The following C12orf54 variants were observed in gnomAD, a reference collection of about 807,000 sequenced individuals.
C12orf54 encodes the protein chromosome 12 open reading frame 54, also known as uncharacterized protein C12orf54.
In C12orf54, 24 loss-of-function variants were observed where a neutral mutation model predicts 26.4. The ratio of observed to expected loss-of-function variants is 0.91; its 90% CI spans 0.66 to 1.28. C12orf54 has a LOEUF of 1.28. C12orf54 is among the 50% of genes most tolerant of loss of function. The pLI is 0.00. For synonymous variants in C12orf54, 54 were observed against 47.0 expected, an observed-to-expected ratio of 1.15 and a Z score of -0.61; for missense variants, 154 against 150.9, an observed-to-expected ratio of 1.02 and a Z score of -0.11.
At chr12:48,444,403 C>T in the C12orf54 span, among the ~76,000 whole-genome samples, 1 of 152,180 alleles carries the variant, frequency 6.6e-6, no homozygotes, top group Non-Finnish European at 1.5e-5. Flanking sequence ...CTCTTTTCCA[C>T]TTGTCTCCAG....
chr12:48,438,307 T>C, the C12orf54 span, among the ~76,000 whole-genome samples: 1 of 152,138 alleles, frequency 6.6e-6, no homozygotes, highest in East Asian at 1.9e-4. Flanking sequence ...AGAATCAATA[T>C]CGTGAAAATG....
the C12orf54 span, among the ~76,000 whole-genome samples, chr12:48,422,685 TA>T: frequency 6.6e-6 from 1 of 152,188 alleles, no homozygotes; most frequent in Non-Finnish European, 1.5e-5. Context: ...TTGAATGATG[TA>T]AAACAATATA....
the C12orf54 span, among the ~76,000 whole-genome samples, chr12:48,422,480 G>A: frequency 6.6e-6 from 1 of 152,102 alleles, no homozygotes; most frequent in Non-Finnish European, 1.5e-5. Context: ...CTCTAGAAGA[G>A]TTTTGGAATA....
rs779397043 is a variant in C12orf54, at chr12:48,490,824, G to T, written c.181G>T (p.Ala61Ser). The stretch of plus-strand genomic sequence containing the variant: ...CATTATTTTTCAGCTGCAGGAAGAT[G>T]CTCGGATTCGAGGTAAAACAGCACC... ...KDIQKELQED[A>S]RIRGMSNCSM... The change falls in exon 6 of 9, where the codon GCT becomes TCT. Residue 61 changes from alanine (A) to serine (S), a missense_variant. Transcript: ENST00000548364. 3.1e-6 allele frequency: 5 copies of T among 1,613,520 alleles called. No individual in the cohort carries two copies. The African/African-American group carries it at 6.7e-5, about 22-fold the overall frequency.
chr12:48,482,456 A>C (rs1313722651), upstream of C12orf54: 1 of 152,242 alleles, frequency 6.6e-6, no homozygotes, highest in East Asian at 1.9e-4. Flanking sequence ...CTGAAGTCAC[A>C]AAGTATTGAA....
chr12:48,444,500 C>G, the C12orf54 span, among the ~76,000 whole-genome samples: 1 of 152,186 alleles, frequency 6.6e-6, no homozygotes, highest in African/African-American at 2.4e-5. Context: ...GAAAATCTTA[C>G]AAAGGACATT....
chr12:48,443,031 C>A, the C12orf54 span: 3 of 152,168 alleles, frequency 2.0e-5, no homozygotes, highest in African/African-American at 4.8e-5. Flanking sequence ...AGTGTTTTAA[C>A]CCTCTTCTCT....
chr12:48,454,632 G>A, the C12orf54 span, among the ~76,000 whole-genome samples: 1 of 152,056 alleles, frequency 6.6e-6, no homozygotes, highest in Non-Finnish European at 1.5e-5. Flanking sequence ...AGCCTCAGAG[G>A]AAAGTTATGC....
chr12:48,416,723 A>G, the C12orf54 span, among the ~76,000 whole-genome samples: 1 of 152,060 alleles, frequency 6.6e-6, no homozygotes, highest in Non-Finnish European at 1.5e-5. Context: ...TTAGCTGGGC[A>G]TGGTGGCGGG....
At chr12:48,479,592 G>A (rs764438022), upstream of C12orf54, among the ~76,000 whole-genome samples, 1 of 149,206 alleles carries the variant, frequency 6.7e-6, no homozygotes, top group Non-Finnish European at 1.5e-5. Context: ...ATGTCAGCTG[G>A]GTTTTGTTTT....
intron 7 of C12orf54, among the ~76,000 whole-genome samples, chr12:48,493,289 C>T (rs549616645): frequency 3.5e-4 from 53 of 152,136 alleles, no homozygotes; most frequent in African/African-American, 1.2e-3. Flanking sequence ...AATAAGGGAA[C>T]ATAGAAAGAA....
chr12:48,486,319 G>T, intron 3 of C12orf54, 111 bp downstream of exon 3: 1 of 1,148,218 alleles, frequency 8.7e-7, no homozygotes, highest in South Asian at 1.4e-5. Context: ...ACCTGACAAG[G>T]GACAGGGTGC....
At chr12:48,450,817 A>T in the C12orf54 span, among the ~76,000 whole-genome samples, 1 of 152,170 alleles carries the variant, frequency 6.6e-6, no homozygotes, top group Non-Finnish European at 1.5e-5. Flanking sequence ...ACAAGTTCTG[A>T]AATTGAGGCA....
chr12:48,468,994 G>A, the C12orf54 span, among the ~76,000 whole-genome samples: 1 of 152,156 alleles, frequency 6.6e-6, no homozygotes, highest in Non-Finnish European at 1.5e-5. Context: ...TGAATAGGCT[G>A]TGGGTCACAG....
chr12:48,484,392 AAAT>A (rs1954234521), intron 2 of C12orf54, among the ~76,000 whole-genome samples: 1 of 152,186 alleles, frequency 6.6e-6, no homozygotes, highest in African/African-American at 2.4e-5. Context: ...CTTGAGGAAA[AAAT>A]AATGAGTAGA....
At chr12:48,468,567 A>T in the C12orf54 span, among the ~76,000 whole-genome samples, 1 of 150,242 alleles carries the variant, frequency 6.7e-6, no homozygotes, top group African/African-American at 2.4e-5. Flanking sequence ...AGGACCAAAA[A>T]AGATACCATG....
the C12orf54 span, among the ~76,000 whole-genome samples, chr12:48,431,941 C>T: frequency 6.6e-6 from 1 of 151,982 alleles, no homozygotes; most frequent in African/African-American, 2.4e-5. Context: ...GACTTGTGCA[C>T]TTTGAATGGC....
In C12orf54 at chr12:48,488,229, C is replaced by T. The variant is rs576830130; in HGVS notation, c.136-695C>T. 5.9e-5 allele frequency: 40 copies of T among 676,396 alleles called. No homozygotes were observed. The East Asian group carries it at 6.3e-4, about 11-fold the overall frequency. 41.9% of individuals were successfully genotyped at this position (676,396 alleles called of 1,614,324 possible). ...GGAGTCTGTGCCTGTCACTCTATGC[C>T]GCAGCCATCCAGAGACTGGCAGGCC... is the stretch of plus-strand genomic sequence containing the variant. On this transcript the variant is annotated intron_variant, in intron 4 of 8. Coordinates refer to ENST00000548364, the MANE Select transcript of C12orf54 (RefSeq NM_152319.4).
chr12:48,474,470 G>T, the C12orf54 span, among the ~76,000 whole-genome samples: 2 of 152,204 alleles, frequency 1.3e-5, no homozygotes, highest in African/African-American at 4.8e-5. Flanking sequence ...AGTGCAAGGG[G>T]TCAGGGAATT....
Sources: gnomAD v4.1 joint callset for allele counts (sites outside exome capture counted in the v4.1 genomes callset) on GRCh38, gnomAD v4.1.1 for gene constraint, MANE v1.5 for transcripts, NCBI Gene and HGNC (gene_info 2026-07-23, HGNC 2026-07-21) for gene names.